Variants in WWOX observed in about 807,000 individuals in gnomAD.
WWOX encodes WW domain containing oxidoreductase.
In WWOX, 69 loss-of-function variants were observed where a neutral mutation model predicts 46.2. The ratio of observed to expected loss-of-function variants is 1.49; its 90% confidence interval spans 1.23 to 1.82. WWOX has a LOEUF of 1.82. Among genes scored for constraint, WWOX ranks in the 40% most tolerant of loss-of-function variants. WWOX has a pLI of 0.00. For missense variants in WWOX, 919 were observed against 542.6 expected (o/e 1.69, Z -6.89); for synonymous variants, 359 against 202.6 (o/e 1.77, Z -6.56).
intron 8 of WWOX, among the ~76,000 whole-genome samples, chr16:78,783,596 G>C (rs1222726593): frequency 6.6e-6 from 1 of 152,212 alleles, no homozygotes; most frequent in African/African-American, 2.4e-5. Context: ...GGGAAGGAGA[G>C]GAAGGAGTAA....
At chr16:79,013,590 G>A (rs1276404723) in intron 8 of WWOX, among the ~76,000 whole-genome samples, 5 of 152,090 alleles carry the variant, frequency 3.3e-5, no homozygotes, top group South Asian at 2.1e-4. Context: ...GTCTTCCACC[G>A]GGACAGCCCA....
chr16:79,004,046 C>T (rs1373154469), intron 8 of WWOX: 1 of 152,220 alleles, frequency 6.6e-6, no homozygotes, highest in East Asian at 1.9e-4. Flanking sequence ...GGCCAACACA[C>T]CATGCCTTCC....
intron 8 of WWOX, among the ~76,000 whole-genome samples, chr16:79,117,795 C>A (rs189402746): frequency 1.3e-5 from 2 of 152,222 alleles, no homozygotes; most frequent in African/African-American, 4.8e-5. Flanking sequence ...CCGACCTCTG[C>A]TAGCTTCCAA....
chr16:78,858,226 T>A (rs964138744), intron 8 of WWOX, among the ~76,000 whole-genome samples: 2 of 150,068 alleles, frequency 1.3e-5, no homozygotes, highest in Non-Finnish European at 3.0e-5. Context: ...AGGGGTAAAG[T>A]GGTTTTTGAT....
chr16:78,927,105 T>C (rs2045516097), intron 8 of WWOX, among the ~76,000 whole-genome samples: 2 of 152,222 alleles, frequency 1.3e-5, no homozygotes, highest in Admixed American at 1.3e-4. Flanking sequence ...CCAGGCACCA[T>C]TCTTGACTGC....
intron 8 of WWOX, among the ~76,000 whole-genome samples, chr16:78,742,466 G>A (rs1378473209): frequency 6.6e-6 from 1 of 152,150 alleles, no homozygotes; most frequent in Non-Finnish European, 1.5e-5. Flanking sequence ...TGTGAAAACA[G>A]GTTGGAAGTA....
intron 8 of WWOX, among the ~76,000 whole-genome samples, chr16:79,072,588 C>T (rs1000843204): frequency 2.0e-5 from 3 of 152,168 alleles, no homozygotes; most frequent in Middle Eastern, 3.2e-3. Context: ...ATTTATTAAG[C>T]GCTTTACAAG....
chr16:78,547,483 A>G (rs1054930475), intron 8 of WWOX, among the ~76,000 whole-genome samples: 1 of 152,180 alleles, frequency 6.6e-6, no homozygotes, highest in African/African-American at 2.4e-5. Context: ...TGTGCTCTAG[A>G]CACTGTATTA....
intron 8 of WWOX, among the ~76,000 whole-genome samples, chr16:78,593,730 A>G (rs953854100): frequency 1.9e-5 from 1 of 53,340 alleles, no homozygotes; most frequent in Non-Finnish European, 3.7e-5. Flanking sequence ...TGTAGTTAAA[A>G]AAAAAAAGAG....
At chr16:79,203,270 C>T (rs2051401333) in intron 8 of WWOX, 1 of 152,134 alleles carries the variant, frequency 6.6e-6, no homozygotes, top group Admixed American at 6.6e-5. Flanking sequence ...GAAATATTAA[C>T]AAGGCCAGCG....
At chr16:78,429,615 G>T (rs6564559) in intron 7 of WWOX, among the ~76,000 whole-genome samples, 29,699 of 151,988 alleles carry the variant, frequency 0.2, 4,149 homozygotes, top group African/African-American at 0.38. Flanking sequence ...TGTCCCTGTT[G>T]TCTATGCCAT....
intron 8 of WWOX, among the ~76,000 whole-genome samples, chr16:78,759,681 C>T (rs2049743059): frequency 6.6e-6 from 1 of 152,206 alleles, no homozygotes; most frequent in Admixed American, 6.5e-5. Flanking sequence ...GGAATTTGAA[C>T]ATGAGACTGT....
chr16:78,189,413 CT>C (rs2035811810), intron 5 of WWOX, among the ~76,000 whole-genome samples: 1 of 152,152 alleles, frequency 6.6e-6, no homozygotes, highest in Non-Finnish European at 1.5e-5. Context: ...GCTGTCTTTA[CT>C]GGTGTATGCC....
At chr16:78,947,409 C>T (rs1025725297) in intron 8 of WWOX, among the ~76,000 whole-genome samples, 2 of 152,126 alleles carry the variant, frequency 1.3e-5, no homozygotes, top group Non-Finnish European at 2.9e-5. Flanking sequence ...TTTATTACAG[C>T]GCAGGTGCAT....
chr16:78,743,642 A>G (rs1240559877), intron 8 of WWOX, among the ~76,000 whole-genome samples: 1 of 152,170 alleles, frequency 6.6e-6, no homozygotes, highest in Non-Finnish European at 1.5e-5. Context: ...TGAGTTGCAG[A>G]TGGAAAATTG....
intron 6 of WWOX, among the ~76,000 whole-genome samples, chr16:78,391,526 T>G (rs1262755153): frequency 6.6e-6 from 1 of 152,160 alleles, no homozygotes; most frequent in Non-Finnish European, 1.5e-5. Context: ...CAGTGTGGAT[T>G]TCTGTATTGG....
chr16:78,568,406 G>T (rs1049280709), intron 8 of WWOX, among the ~76,000 whole-genome samples: 9 of 150,522 alleles, frequency 6.0e-5, no homozygotes, highest in Admixed American at 4.6e-4. Context: ...TTATTACCAA[G>T]AAATTGCTAA....
chr16:79,010,991 A>G (rs2047292925), intron 8 of WWOX, among the ~76,000 whole-genome samples: 1 of 152,090 alleles, frequency 6.6e-6, no homozygotes, highest in African/African-American at 2.4e-5. Flanking sequence ...TGAGTAGAGG[A>G]GTAGCACGAT....
At chr16:78,706,265 T>A (rs1025956762) in intron 8 of WWOX, among the ~76,000 whole-genome samples, 2 of 152,146 alleles carry the variant, frequency 1.3e-5, no homozygotes, top group African/African-American at 2.4e-5. Context: ...ATATAAACTT[T>A]GTCTGTCTGT....
Sources: allele counts gnomAD v4.1 joint callset (sites outside exome capture counted in the v4.1 genomes callset), GRCh38; gene constraint gnomAD v4.1.1; transcripts MANE v1.5; gene names NCBI Gene and HGNC (gene_info 2026-07-23, HGNC 2026-07-21).